Variants in TDRD6 observed in about 807,000 individuals in gnomAD.
The protein encoded by TDRD6 is tudor domain-containing protein 6.
A neutral mutation model predicts 157.5 loss-of-function variants in TDRD6; 186 were observed. That is an observed-to-expected ratio of 1.18 (90% CI 1.05 to 1.33). The LOEUF (loss-of-function observed/expected upper bound fraction) is 1.33. Among genes scored for constraint, TDRD6 ranks in the 40% most tolerant of loss-of-function variants. The pLI is 0.00. For missense variants in TDRD6, 3,066 were observed against 2,508.0 expected (o/e 1.22, Z -4.75); for synonymous variants, 1,075 against 945.2 (o/e 1.14, Z -2.52).
rs200140129 is a variant in TDRD6 at position 46,688,809 on chromosome 6, C to G, written c.681C>G (p.Leu227=). ...GCGTGGGCTCCGGGGTCCCGGTTCT[C>G]TCGCGAGTCCCGCTCAAGCAAAAGC... The part of the protein sequence containing the change: ...TASVGSGVPV[L]SRVPLKQKQP... The change falls in exon 1 of 4, where the codon CTC becomes CTG. Residue 227 remains leucine (L), a synonymous_variant. Coordinates refer to ENST00000316081, the MANE Select transcript of TDRD6 (RefSeq NM_001010870.3). 31 of 1,611,912 alleles carry G rather than the reference C, an allele frequency of 1.9e-5. No individual in the cohort carries two copies. Among genetic ancestry groups the G allele is most frequent in the Non-Finnish European group, 2.5e-5 (29 of 1,179,858 alleles).
In TDRD6 at chr6:46,698,017, G is replaced by C. The variant is rs1340001097; in HGVS notation, c.6191G>C (p.Gly2064Ala). 6.2e-7 allele frequency: 1 copy of C among 1,609,590 alleles called. No homozygotes were observed. The change falls in exon 3 of 4, where the codon GGT (glycine) becomes GCT (alanine). Residue 2064 changes from glycine (G) to alanine (A), a missense_variant. Coordinates refer to ENST00000316081, the MANE Select transcript of TDRD6 (RefSeq NM_001010870.3). ...EGTRVLNLSN[G>A]MEEIVNPENV... ...CTGTAGGTTTTGAACCTTTCAAATG[G>C]TATGGAGGAGATAGTGAACCCTGAG...
In TDRD6 at chr6:46,689,589, C is replaced by T; in HGVS notation, c.1461C>T (p.Ala487=). The change falls in exon 1 of 4, where the codon GCC becomes GCT. Residue 487 remains alanine, a synonymous_variant. Coordinates refer to ENST00000316081, the MANE Select transcript of TDRD6 (RefSeq NM_001010870.3). ...GATCTATCAGGTTAAAGATGAATGC[C>T]TTCTACGATGCGCAGGTAGAGTTTG... ...ALRSIRLKMN[A]FYDAQVEFVK... 6.2e-7 allele frequency: 1 copy of T among 1,614,180 alleles called. No individual in the cohort carries two copies. The highest frequency in any genetic ancestry group is 8.5e-7 in the Non-Finnish European group (1 of 1,180,038).
Position 46,689,114 on chromosome 6 carries a change from C to T in TDRD6, c.986C>T (p.Ala329Val). The part of the protein sequence containing the change: ...SCGLDGHWYR[A>V]LLLETFRPQR... The stretch of plus-strand genomic sequence containing the variant: ...GGCCTGGATGGACATTGGTACAGAG[C>T]ACTGTTGCTTGAGACTTTTCGGCCC... The change falls in exon 1 of 4, where the codon GCA (alanine) becomes GTA (valine). Residue 329 changes from alanine (A) to valine (V), a missense_variant. Physicochemically the swap from Ala to Val is moderately conservative, Grantham distance 64 (BLOSUM62 0). Coordinates refer to ENST00000316081, the MANE Select transcript of TDRD6 (RefSeq NM_001010870.3). The T allele has an allele frequency of 6.2e-7, 1 of 1,614,134 alleles. No individual in the cohort carries two copies. The highest frequency in any genetic ancestry group is 2.2e-5 in the East Asian group (1 of 44,864).
At position 46,697,933 on chromosome 6, in the gene TDRD6, T is replaced by A. The variant is rs901549031; in HGVS notation, c.6172-65T>A. On this transcript the variant is annotated intron_variant, in intron 2 of 3. Transcript: ENST00000316081. ...AGTATTTCATTTTTAAAATAATTGC[T>A]CTGGTACATAAATCAGTTATTTTTT... 1.2e-5 allele frequency: 10 copies of A among 841,390 alleles called. No homozygotes were observed. In the East Asian group the frequency reaches 2.5e-4, roughly 21 times the overall value. The allele number at this position is 841,390 out of a possible 1,614,324, so 52.1% of individuals were successfully genotyped here.
At chr6:46,685,275 C>A (rs530549673), upstream of TDRD6, among the ~76,000 whole-genome samples, 1 of 151,396 alleles carries the variant, frequency 6.6e-6, no homozygotes, top group Non-Finnish European at 1.5e-5. Flanking sequence ...CTTACTTGAA[C>A]TGTTTTCTAA....
At position 46,691,351 on chromosome 6, in the gene TDRD6, A is replaced by G; in HGVS notation, c.3223A>G (p.Ser1075Gly). The G allele has an allele frequency of 6.2e-7, 1 of 1,614,076 alleles. No homozygotes were observed. Among genetic ancestry groups the G allele is most frequent in the Non-Finnish European group, 8.5e-7 (1 of 1,179,950 alleles). Residue 1075 changes from serine to glycine, a missense_variant, in exon 1 of 4, where the codon AGT becomes GGT. Coordinates refer to ENST00000316081, the MANE Select transcript of TDRD6 (RefSeq NM_001010870.3). ...VDFGNIYVVT[S>G]DDLLPIPSDA... ...TTTTGGGAATATTTATGTAGTAACA[A>G]GTGATGATCTGCTTCCAATACCTAG... is the stretch of plus-strand genomic sequence containing the variant.
Position 46,690,433 on chromosome 6 carries a change from G to C in TDRD6, c.2305G>C (p.Glu769Gln). The change falls in exon 1 of 4, where the codon GAA becomes CAA. Residue 769 changes from glutamate (E) to glutamine (Q), a missense_variant. Transcript: ENST00000316081. Reference sequence around the variant, plus strand: ...AGGCTCCTCTAGTAAAGGAGAGCTGGAAGTTGGAAGTACAGTAGAAGTCAG... The same window carrying C: ...AGGCTCCTCTAGTAAAGGAGAGCTGCAAGTTGGAAGTACAGTAGAAGTCAG... ...KPGSSSKGEL[E>Q]VGSTVEVRVS... The C allele has an allele frequency of 1.2e-6, 2 of 1,614,076 alleles. No individual in the cohort carries two copies. The highest frequency in any genetic ancestry group is 1.7e-6 in the Non-Finnish European group (2 of 1,180,014).
At chr6:46,684,934 T>A (rs1238935070), upstream of TDRD6, among the ~76,000 whole-genome samples, 2 of 152,184 alleles carry the variant, frequency 1.3e-5, no homozygotes, top group African/African-American at 4.8e-5. Flanking sequence ...TGCAGTTTAT[T>A]CACATTCTTG....
At position 46,689,693 on chromosome 6, in the gene TDRD6, G is replaced by T. The variant is rs766934242; in HGVS notation, c.1565G>T (p.Gly522Val). ...TFSKLMRRMCGFYSSASKLDG... is the reference protein window; with the variant it reads ...TFSKLMRRMCVFYSSASKLDG... ...AGTAAGCTGATGAGGAGAATGTGTG[G>T]TTTCTATTCCTCTGCCAGTAAGCTG... Residue 522 changes from glycine (G) to valine (V), a missense_variant, in exon 1 of 4, where the codon GGT (glycine) becomes GTT (valine). Coordinates refer to ENST00000316081, the MANE Select transcript of TDRD6 (RefSeq NM_001010870.3). The T allele has an allele frequency of 1.1e-5, 17 of 1,614,094 alleles. No individual in the cohort carries two copies. Among genetic ancestry groups the T allele is most frequent in the Admixed American group, 3.3e-5 (2 of 60,014 alleles).
Position 46,688,426 on chromosome 6 carries a change from G to A in TDRD6, c.298G>A (p.Asp100Asn). Residue 100 changes from aspartate (D) to asparagine (N), a missense_variant, in exon 1 of 4, where the codon GAC (aspartate) becomes AAC (asparagine). By Grantham distance (23) the Asp-to-Asn change is conservative. Transcript: ENST00000316081. Reference sequence around the variant, plus strand: ...ACAGGAGAGCCGTGTCTTCCTGCTGGACGAGGGCCGCACCATCACGGCCGG... The same window carrying A: ...ACAGGAGAGCCGTGTCTTCCTGCTGAACGAGGGCCGCACCATCACGGCCGG... ...QAQESRVFLL[D>N]EGRTITAGAG... is the part of the protein sequence containing the mutation. 1 of 1,541,110 alleles carries A rather than the reference G, an allele frequency of 6.5e-7. No individual in the cohort carries two copies. Among genetic ancestry groups the A allele is most frequent in the South Asian group, 1.2e-5 (1 of 84,110 alleles).
rs751782923 is a variant in TDRD6, at chr6:46,694,176, T to C, written c.6046+2T>C. 4.0e-6 allele frequency: 6 copies of C among 1,511,572 alleles called. No homozygotes were observed. In the Admixed American group the frequency reaches 9.2e-5, roughly 23 times the overall value. The allele number at this position is 1,511,572 out of a possible 1,614,324, so 93.6% of individuals were successfully genotyped here. On this transcript the variant is annotated splice_donor_variant, in intron 1 of 3. Coordinates refer to ENST00000316081, the MANE Select transcript of TDRD6 (RefSeq NM_001010870.3). LOFTEE classifies it high-confidence loss of function. ...ATGGTTTACCAGATCATATCTCAGG[T>C]ATGTGAATTTTTTTTCCTTTTTACT...
At chr6:46,696,062 CCT>C in intron 2 of TDRD6, 117 bp downstream of exon 2, 1 of 1,136,544 alleles carries the variant, frequency 8.8e-7, no homozygotes, top group South Asian at 1.6e-5. Flanking sequence ...GCTTGTTCCC[CCT>C]GATAACTTGA....
chr6:46,699,671 A>C (rs1764576210), intron 3 of TDRD6, among the ~76,000 whole-genome samples: 1 of 148,582 alleles, frequency 6.7e-6, no homozygotes, highest in Non-Finnish European at 1.5e-5. Context: ...GAAGTAAAAA[A>C]AAAGAAAAGA....
upstream of TDRD6, chr6:46,687,871 A>T: frequency 4.4e-6 from 2 of 450,622 alleles, no homozygotes; most frequent in Non-Finnish European, 3.8e-6. Context: ...GGCGGCGCCG[A>T]GTGAGGTAAA....
At chr6:46,681,907 G>T in the TDRD6 span, among the ~76,000 whole-genome samples, 1 of 152,004 alleles carries the variant, frequency 6.6e-6, no homozygotes, top group Non-Finnish European at 1.5e-5. Flanking sequence ...AGTGGGGAGG[G>T]AATGAGGAGT....
Position 46,692,978 on chromosome 6 carries a change from T to C in TDRD6, c.4850T>C (p.Leu1617Pro). Residue 1617 changes from leucine to proline, a missense_variant, in exon 1 of 4, where the codon CTC becomes CCC. By Grantham distance (98) the Leu-to-Pro change is moderately conservative. Coordinates refer to ENST00000316081, the MANE Select transcript of TDRD6 (RefSeq NM_001010870.3). ...GAAGACTGTGTGGACCCAAAAGCAC[T>C]CTGGGCCATTCCTTCTGAACTTCTG... ...NIEDCVDPKA[L>P]WAIPSELLSV... is the part of the protein sequence containing the mutation. The C allele has an allele frequency of 6.2e-7, 1 of 1,612,668 alleles. No individual in the cohort carries two copies. Among genetic ancestry groups the C allele is most frequent in the Non-Finnish European group, 8.5e-7 (1 of 1,179,114 alleles).
upstream of TDRD6, among the ~76,000 whole-genome samples, chr6:46,683,577 A>G (rs1267379759): frequency 4.6e-5 from 7 of 152,124 alleles, no homozygotes; most frequent in Non-Finnish European, 8.8e-5. Flanking sequence ...AAACTACAAT[A>G]TGAAAGTGTG....
Position 46,701,701 on chromosome 6 carries a change from G to A in TDRD6, c.6262-157G>A, listed in dbSNP as rs535487285. 5.9e-5 allele frequency among the ~76,000 whole-genome samples: 9 copies of A among 152,076 alleles called. No homozygotes were observed. The Middle Eastern group carries it at 0.01, about 172-fold the overall frequency. The stretch of plus-strand genomic sequence containing the variant: ...AATATTAATAAGAAAATAAAACATT[G>A]TTTCTATAGAAATAATGCCCTATAG... On this transcript the variant is annotated intron_variant, in intron 3 of 3. Transcript: ENST00000316081.
Position 46,693,772 on chromosome 6 carries a change from T to C in TDRD6, c.5644T>C (p.Cys1882Arg). Residue 1882 changes from cysteine to arginine, a missense_variant, in exon 1 of 4, where the codon TGT becomes CGT. Coordinates refer to ENST00000316081, the MANE Select transcript of TDRD6 (RefSeq NM_001010870.3). ...VPPNVPLSQE[C>R]VTKGAMELFT... ...ACCGAATGTGCCACTCTCCCAAGAG[T>C]GTGTCACAAAAGGCGCCATGGAGCT... 6.2e-7 allele frequency: 1 copy of C among 1,614,002 alleles called. No individual in the cohort carries two copies. Among genetic ancestry groups the C allele is most frequent in the African/African-American group, 1.3e-5 (1 of 74,974 alleles).
Sources: gnomAD v4.1 joint callset for allele counts (sites outside exome capture counted in the v4.1 genomes callset) on GRCh38, gnomAD v4.1.1 for gene constraint, MANE v1.5 for transcripts, NCBI Gene and HGNC (gene_info 2026-07-23, HGNC 2026-07-21) for gene names.